STK10: variants seen among roughly 807,000 people sequenced by gnomAD.
STK10 encodes serine/threonine kinase 10, also known as serine/threonine-protein kinase 10.
In STK10, 78 loss-of-function variants were observed where a neutral mutation model predicts 113.8. That is an observed-to-expected ratio of 0.69 (90% CI 0.57 to 0.83). The LOEUF (loss-of-function observed/expected upper bound fraction) is 0.83, where lower values mean the gene tolerates loss of function less well. STK10 is among the 40% of genes least tolerant of loss of function. The pLI is 0.00. For synonymous variants in STK10, 465 were observed against 494.7 expected, an observed-to-expected ratio of 0.94 and a Z score of 0.80; for missense variants, 1,109 against 1,280.1, an observed-to-expected ratio of 0.87 and a Z score of 2.04.
At chr5:172,165,356 G>A (rs1345865900) in intron 1 of STK10, among the ~76,000 whole-genome samples, 1 of 152,222 alleles carries the variant, frequency 6.6e-6, no homozygotes, top group Non-Finnish European at 1.5e-5. Context: ...TCCCATCTGT[G>A]ACACTTGTCT....
intron 3 of STK10, among the ~76,000 whole-genome samples, chr5:172,123,913 C>T (rs1340627473): frequency 6.6e-6 from 1 of 152,070 alleles, no homozygotes; most frequent in Non-Finnish European, 1.5e-5. Context: ...GAAATCAAGT[C>T]CATATCACAA....
intron 15 of STK10, 66 bp from the exon 16 acceptor site, chr5:172,055,842 TA>T (rs1020117598): frequency 7.5e-6 from 10 of 1,341,226 alleles, no homozygotes; most frequent in Non-Finnish European, 9.7e-6. Context: ...GGTCACAGGC[TA>T]AAGGTCCCCA....
intron 9 of STK10, among the ~76,000 whole-genome samples, chr5:172,092,133 C>G (rs936747135): frequency 6.6e-6 from 1 of 152,212 alleles, no homozygotes; most frequent in African/African-American, 2.4e-5. Flanking sequence ...CAGGATGGGT[C>G]AGGCCAGCAG....
chr5:172,115,313 ATG>A (rs935583038), intron 4 of STK10, among the ~76,000 whole-genome samples: 2 of 152,168 alleles, frequency 1.3e-5, no homozygotes, highest in Non-Finnish European at 2.9e-5. Context: ...AAAGCCTCCA[ATG>A]GTGAGTTCGG....
intron 2 of STK10, among the ~76,000 whole-genome samples, chr5:172,155,220 G>A (rs1483483968): frequency 6.6e-6 from 1 of 152,068 alleles, no homozygotes; most frequent in African/African-American, 2.4e-5. Context: ...AATTCTCGCT[G>A]GGCACAGTGC....
intron 16 of STK10, among the ~76,000 whole-genome samples, chr5:172,055,023 A>G (rs923390078): frequency 1.3e-5 from 2 of 152,180 alleles, no homozygotes; most frequent in Admixed American, 6.5e-5. Flanking sequence ...CTGGCCAAAT[A>G]AAAGTGTGGG....
Position 172,082,538 on chromosome 5 carries a change from GAA to G in STK10, c.1810-35_1810-34del, listed in dbSNP as rs775206810. On this transcript the variant is annotated intron_variant, in intron 11 of 18. Transcript: ENST00000176763. This position sits in a 1 kb window ranked among gnomAD's most constrained non-coding sequence, Gnocchi z 4.3. ...GAGCAGAAATTCTGAGAAACTTAGC[GAA>G]GTCACTTTATACCTGGGAGGGACAT... 3 of 1,548,082 alleles carry G rather than the reference GAA, an allele frequency of 1.9e-6. No homozygotes were observed. Among genetic ancestry groups the G allele is most frequent in the Non-Finnish European group, 2.6e-6 (3 of 1,148,856 alleles).
chr5:172,177,277 G>A (rs1031185843), intron 1 of STK10, among the ~76,000 whole-genome samples: 1 of 152,146 alleles, frequency 6.6e-6, no homozygotes, highest in African/African-American at 2.4e-5. Context: ...GCAGGCCCTC[G>A]TTAGACACCA....
At chr5:172,072,876 CAAAGA>C (rs1470676481) in intron 12 of STK10, among the ~76,000 whole-genome samples, 1 of 152,172 alleles carries the variant, frequency 6.6e-6, no homozygotes, top group Non-Finnish European at 1.5e-5. Flanking sequence ...AAGGAATCTA[CAAAGA>C]AAGATACGAG....
chr5:172,048,408 T>TACACACA (rs1239719749), intron 18 of STK10, among the ~76,000 whole-genome samples: 2 of 51,636 alleles, frequency 3.9e-5, no homozygotes, highest in South Asian at 4.2e-4. Flanking sequence ...TCCCTCTCCC[T>TACACACA]CTCCCTACAC....
intron 17 of STK10, 151 bp from the exon 18 acceptor site, chr5:172,053,193 C>T (rs375981562): frequency 1.0e-4 from 64 of 632,854 alleles, no homozygotes; most frequent in South Asian, 4.5e-4. Flanking sequence ...AAACTCTATA[C>T]GTAAATCACA....
At position 172,050,276 on chromosome 5, in the gene STK10, G is replaced by T. The variant is rs377469646; in HGVS notation, c.2766+2653C>A. 2.4e-4 allele frequency among the ~76,000 whole-genome samples: 37 copies of T among 152,340 alleles called. No individual in the cohort carries two copies. The East Asian group carries it at 5.8e-3, about 24-fold the overall frequency. Reference sequence around the variant, plus strand: ...GAACTATGCATAAGGCCCGCCTGCTGCCGGTCAAAGCATGATGGCTGTCTA... The same window carrying T: ...GAACTATGCATAAGGCCCGCCTGCTTCCGGTCAAAGCATGATGGCTGTCTA... On this transcript the variant is annotated intron_variant, in intron 18 of 18. Coordinates refer to ENST00000176763, the MANE Select transcript of STK10 (RefSeq NM_005990.4).
At chr5:172,089,071 G>A (rs1466929588) in intron 10 of STK10, among the ~76,000 whole-genome samples, 4 of 152,074 alleles carry the variant, frequency 2.6e-5, no homozygotes, top group Non-Finnish European at 5.9e-5. Context: ...TCCTAGTCAA[G>A]ATCTCCCTCT....
chr5:172,105,057 G>A (rs1282280763), intron 7 of STK10, among the ~76,000 whole-genome samples: 5 of 152,074 alleles, frequency 3.3e-5, no homozygotes, highest in African/African-American at 7.2e-5. Flanking sequence ...GAGAGAATAT[G>A]CTGAGGCCAG....
chr5:172,094,675 C>A (rs577214968), intron 8 of STK10, among the ~76,000 whole-genome samples: 2 of 152,322 alleles, frequency 1.3e-5, no homozygotes, highest in South Asian at 4.1e-4. Flanking sequence ...TGTGCCACCG[C>A]ACCCAGCCAA....
chr5:172,167,180 A>G (rs1318742659), intron 1 of STK10, among the ~76,000 whole-genome samples: 1 of 151,970 alleles, frequency 6.6e-6, no homozygotes, highest in African/African-American at 2.4e-5. Flanking sequence ...AAGAAAAAAA[A>G]GAAAGGCAAC....
rs144416304 is a variant in STK10 at position 172,145,146 on chromosome 5, G to A, written c.321+11478C>T. ...GACAAAGGCAGTTCTGTGTCTGCAG[G>A]GACATTTTTCATCCATTTGACCATC... On this transcript the variant is annotated intron_variant, in intron 2 of 18. Coordinates refer to ENST00000176763, the MANE Select transcript of STK10 (RefSeq NM_005990.4). Among the ~76,000 whole-genome samples the A allele has an allele frequency of 3.1e-4, 47 of 152,262 alleles. No individual in the cohort carries two copies. The East Asian group carries it at 8.5e-3, about 28-fold the overall frequency.
At chr5:172,092,121 G>A (rs1768725666) in intron 9 of STK10, among the ~76,000 whole-genome samples, 1 of 152,236 alleles carries the variant, frequency 6.6e-6, no homozygotes, top group Admixed American at 6.5e-5. Context: ...CCAGGACCCA[G>A]TCAGGATGGG....
At chr5:172,160,488 GC>G (rs1326937980) in intron 1 of STK10, among the ~76,000 whole-genome samples, 1 of 149,956 alleles carries the variant, frequency 6.7e-6, no homozygotes, top group Non-Finnish European at 1.5e-5. Flanking sequence ...AAAAAAAAAG[GC>G]CCCTAAAAGC....
Sources: allele counts gnomAD v4.1 joint callset (sites outside exome capture counted in the v4.1 genomes callset), GRCh38; gene constraint gnomAD v4.1.1; non-coding constraint Gnocchi (gnomAD v3.1); transcripts MANE v1.5; gene names NCBI Gene and HGNC (gene_info 2026-07-23, HGNC 2026-07-21).